MACROD2: variants seen among roughly 807,000 people sequenced by gnomAD.
MACROD2 encodes ADP-ribose glycohydrolase MACROD2.
MACROD2 carries 36 observed loss-of-function variants against 70.4 expected under a neutral mutation model. The ratio of observed to expected loss-of-function variants is 0.51; its 90% CI spans 0.39 to 0.68. MACROD2 has a LOEUF of 0.68. Among genes scored for constraint, MACROD2 ranks in the 30% least tolerant of loss-of-function variants. The probability of loss-of-function intolerance (pLI) is 0.00; values close to 1 mark genes in which losing one functional copy is unlikely to be tolerated. For synonymous variants in MACROD2, 172 were observed against 178.8 expected, an observed-to-expected ratio of 0.96 and a Z score of 0.30; for missense variants, 496 against 538.4, an observed-to-expected ratio of 0.92 and a Z score of 0.78.
chr20:15,778,870 A>G (rs1195501019), intron 8 of MACROD2, among the ~76,000 whole-genome samples: 1 of 152,140 alleles, frequency 6.6e-6, no homozygotes, highest in Non-Finnish European at 1.5e-5. Flanking sequence ...AAAGTGATTT[A>G]TAGCTCATAT....
intron 2 of MACROD2, among the ~76,000 whole-genome samples, chr20:14,074,154 C>T (rs1601189876): frequency 6.6e-6 from 1 of 152,124 alleles, no homozygotes; most frequent in African/African-American, 2.4e-5. Flanking sequence ...ATCCATTGAC[C>T]CCATCCTGCC....
chr20:15,994,072 T>A (rs112699718), intron 15 of MACROD2, among the ~76,000 whole-genome samples: 3 of 152,334 alleles, frequency 2.0e-5, no homozygotes, highest in Non-Finnish European at 4.4e-5. Context: ...GCCCTTTTTT[T>A]AACCTGTTTA....
chr20:14,743,001 C>T (rs1051627730), intron 5 of MACROD2, among the ~76,000 whole-genome samples: 6 of 151,922 alleles, frequency 3.9e-5, no homozygotes, highest in African/African-American at 7.3e-5. Context: ...CTCCTGACCT[C>T]GTGATCCGCC....
chr20:15,745,031 A>T (rs2051161969), intron 8 of MACROD2, among the ~76,000 whole-genome samples: 1 of 152,178 alleles, frequency 6.6e-6, no homozygotes, highest in Non-Finnish European at 1.5e-5. Flanking sequence ...TTCCCCAGTC[A>T]ATATTACTTA....
chr20:14,517,615 A>G (rs939941636), intron 4 of MACROD2, among the ~76,000 whole-genome samples: 1 of 152,156 alleles, frequency 6.6e-6, no homozygotes, highest in African/African-American at 2.4e-5. Flanking sequence ...GCAGCAAACC[A>G]CCATGGCATG....
At chr20:14,469,869 G>C (rs926642734) in intron 3 of MACROD2, among the ~76,000 whole-genome samples, 1 of 151,858 alleles carries the variant, frequency 6.6e-6, no homozygotes, top group Admixed American at 6.5e-5. Flanking sequence ...TATTAGGTTA[G>C]AGCACGCTTC....
chr20:15,668,238 C>T (rs565101143), intron 8 of MACROD2, among the ~76,000 whole-genome samples: 9 of 150,716 alleles, frequency 6.0e-5, no homozygotes, highest in South Asian at 2.1e-4. Context: ...CCAGCATGGG[C>T]GACAGAGCGA....
At chr20:15,221,573 A>G (rs2076861642) in intron 5 of MACROD2, among the ~76,000 whole-genome samples, 1 of 152,184 alleles carries the variant, frequency 6.6e-6, no homozygotes, top group Non-Finnish European at 1.5e-5. Flanking sequence ...GGACCCTTAC[A>G]TGTAGGAGTC....
intron 5 of MACROD2, among the ~76,000 whole-genome samples, chr20:15,039,965 A>T (rs576278903): frequency 2.0e-5 from 3 of 152,186 alleles, no homozygotes; most frequent in South Asian, 4.1e-4. Context: ...ACTTGTTATT[A>T]AGGGGTCGAC....
At chr20:15,344,281 G>A (rs2423944) in intron 6 of MACROD2, among the ~76,000 whole-genome samples, 93,079 of 151,788 alleles carry the variant, frequency 0.61, 28,613 homozygotes, top group East Asian at 0.74. Context: ...TTTCTCCTTG[G>A]TACTGTCCAA....
chr20:14,878,608 A>G (rs1469734292), intron 5 of MACROD2, among the ~76,000 whole-genome samples: 1 of 152,222 alleles, frequency 6.6e-6, no homozygotes, highest in Non-Finnish European at 1.5e-5. Flanking sequence ...AAATTAGTTA[A>G]AACACAAAAG....
intron 2 of MACROD2, among the ~76,000 whole-genome samples, chr20:14,071,155 A>G (rs1390350886): frequency 6.6e-6 from 1 of 150,998 alleles, no homozygotes; most frequent in Admixed American, 6.6e-5. Context: ...AAATATACTT[A>G]TGATTTTAAT....
chr20:15,819,759 G>T (rs1356003526), intron 8 of MACROD2, among the ~76,000 whole-genome samples: 1 of 152,028 alleles, frequency 6.6e-6, no homozygotes, highest in Non-Finnish European at 1.5e-5. Context: ...CTATCCAGGG[G>T]TTGGGAAGAG....
chr20:15,341,960 AG>A lies in MACROD2; in HGVS notation c.541-89443del, dbSNP rs889932111. ...TCTTACCTATTTGGGAAGCTGAGGCAGGAGAATAATTTAAGCCTAGGAGTTT... is the reference window on the plus strand; with the variant it reads ...TCTTACCTATTTGGGAAGCTGAGGCAGAGAATAATTTAAGCCTAGGAGTTT... On this transcript the variant is annotated intron_variant, in intron 6 of 17. Transcript: ENST00000684519. 5.9e-5 allele frequency among the ~76,000 whole-genome samples: 9 copies of A among 152,296 alleles called. No individual in the cohort carries two copies. The East Asian group carries it at 1.7e-3, about 29-fold the overall frequency.
chr20:15,241,859 A>C (rs962393440), intron 6 of MACROD2, among the ~76,000 whole-genome samples: 1 of 152,166 alleles, frequency 6.6e-6, no homozygotes, highest in East Asian at 1.9e-4. Flanking sequence ...GGACTCATAG[A>C]AATTGTGGTC....
intron 4 of MACROD2, among the ~76,000 whole-genome samples, chr20:14,610,290 CTGT>C (rs1277318583): frequency 1.6e-4 from 25 of 152,206 alleles, no homozygotes; most frequent in African/African-American, 5.5e-4. Context: ...CATTGACCTT[CTGT>C]AATGTGTTGA....
intron 5 of MACROD2, among the ~76,000 whole-genome samples, chr20:14,845,041 T>G (rs1161005652): frequency 6.6e-6 from 1 of 152,122 alleles, no homozygotes; most frequent in Non-Finnish European, 1.5e-5. Context: ...ATCTAGCTCA[T>G]GTAATGGTAA....
intron 13 of MACROD2, among the ~76,000 whole-genome samples, chr20:15,979,887 A>C (rs2066369974): frequency 6.6e-6 from 1 of 152,190 alleles, no homozygotes; most frequent in South Asian, 2.1e-4. Context: ...GACGAGCCGC[A>C]GACAAAACTT....
At chr20:14,133,288 C>T (rs2054744101) in intron 3 of MACROD2, among the ~76,000 whole-genome samples, 1 of 152,164 alleles carries the variant, frequency 6.6e-6, no homozygotes, top group African/African-American at 2.4e-5. Flanking sequence ...GGAACCTAGG[C>T]TAATTTACAA....
Sources: allele counts gnomAD v4.1 joint callset (sites outside exome capture counted in the v4.1 genomes callset), GRCh38; gene constraint gnomAD v4.1.1; transcripts MANE v1.5; gene names NCBI Gene and HGNC (gene_info 2026-07-23, HGNC 2026-07-21).